Variants in CEP89 observed in about 807,000 individuals in gnomAD.
The protein encoded by CEP89 is centrosomal protein 89, also known as centrosomal protein of 89 kDa.
A neutral mutation model predicts 97.6 loss-of-function variants in CEP89; 95 were observed. That is an observed-to-expected ratio of 0.97 (90% CI 0.82 to 1.15). CEP89 has a LOEUF of 1.15. Ranked by LOEUF, CEP89 falls within the 50% of genes most tolerant of loss-of-function variation. The pLI is 0.00. For missense variants in CEP89, 869 were observed against 947.7 expected, an observed-to-expected ratio of 0.92 and a Z score of 1.09; for synonymous variants, 354 against 349.1, an observed-to-expected ratio of 1.01 and a Z score of -0.16.
At chr19:32,931,681 A>G in intron 8 of CEP89, 110 bp from the exon 9 acceptor site, 1 of 821,674 alleles carries the variant, frequency 1.2e-6, no homozygotes, top group Non-Finnish European at 1.9e-6. Flanking sequence ...CTCAGAGGCA[A>G]TGAACTGTGT....
intron 16 of CEP89, 51 bp from the exon 17 acceptor site, chr19:32,887,892 TAAC>T (rs1969433515): frequency 5.7e-6 from 6 of 1,050,290 alleles, no homozygotes; most frequent in Non-Finnish European, 7.4e-6. Flanking sequence ...AAAATTGAAA[TAAC>T]AAACAATTAT....
At chr19:32,908,380 G>T (rs1348367109) in intron 14 of CEP89, among the ~76,000 whole-genome samples, 1 of 152,226 alleles carries the variant, frequency 6.6e-6, no homozygotes, top group Non-Finnish European at 1.5e-5. Context: ...TGGCTGAACA[G>T]CTTTGGGCTC....
At chr19:32,924,793 C>T (rs1301230590) in intron 11 of CEP89, among the ~76,000 whole-genome samples, 1 of 151,996 alleles carries the variant, frequency 6.6e-6, no homozygotes, top group African/African-American at 2.4e-5. Flanking sequence ...ATGGGCCTCG[C>T]CCATTATTTA....
chr19:32,892,535 A>G (rs959681344), intron 16 of CEP89, among the ~76,000 whole-genome samples: 1 of 151,802 alleles, frequency 6.6e-6, no homozygotes, highest in Non-Finnish European at 1.5e-5. Flanking sequence ...TGAACTCCTG[A>G]CCTCAGATGA....
intron 16 of CEP89, 43 bp downstream of exon 16, chr19:32,899,806 CATTTGCAT>C (rs1296561408): frequency 6.5e-7 from 1 of 1,536,564 alleles, no homozygotes; most frequent in Non-Finnish European, 8.9e-7. Flanking sequence ...CTTAAAATCA[CATTTGCAT>C]ATTAACTCGC....
At chr19:32,884,863 C>G (rs1969360580) in intron 17 of CEP89, among the ~76,000 whole-genome samples, 1 of 149,036 alleles carries the variant, frequency 6.7e-6, no homozygotes, top group African/African-American at 2.6e-5. Flanking sequence ...CTGCCCAGCT[C>G]TAATTCCACT....
rs1410780279 is a variant in CEP89, at chr19:32,879,282, G to T, written c.2232C>A (p.Gly744=). 6.2e-7 allele frequency: 1 copy of T among 1,614,256 alleles called. No homozygotes were observed. Among genetic ancestry groups the T allele is most frequent in the East Asian group, 2.2e-5 (1 of 44,890 alleles). Residue 744 remains glycine (G), a synonymous_variant, in exon 19 of 19, where the codon GGC becomes GGA. Transcript: ENST00000305768. ...ELLQDTLTRT[G]VQDNPRALVA... ...CCAGAGCTCTGGGGTTGTCCTGCAC[G>T]CCTGTCCTCGTGAGTGTGTCCTGGA... is the stretch of plus-strand genomic sequence containing the variant.
At position 32,930,961 on chromosome 19, in the gene CEP89, C is replaced by T. The variant is rs918582223; in HGVS notation, c.1029+468G>A. ...AGTGTAGTGGCGCAATCTCAGCTCA[C>T]CACACCCTTGACCTCCCATGCTCAA... On this transcript the variant is annotated intron_variant, in intron 9 of 18. Coordinates refer to ENST00000305768, the MANE Select transcript of CEP89 (RefSeq NM_032816.5). Among the ~76,000 whole-genome samples, 7 of 152,064 alleles carry T rather than the reference C, an allele frequency of 4.6e-5. No individual in the cohort carries two copies. In the East Asian group the frequency reaches 5.8e-4, roughly 13 times the overall value.
rs368927898 is a variant in CEP89, at chr19:32,933,462, G to C, written c.875C>G (p.Ser292Trp). 3.1e-6 allele frequency: 5 copies of C among 1,613,248 alleles called. No homozygotes were observed. The African/African-American group carries it at 4.0e-5, about 13-fold the overall frequency. The change falls in exon 8 of 19, where the codon TCG becomes TGG. Residue 292 changes from serine to tryptophan, a missense_variant. Physicochemically the swap from Ser to Trp is radical, Grantham distance 177. Coordinates refer to ENST00000305768, the MANE Select transcript of CEP89 (RefSeq NM_032816.5). The stretch of plus-strand genomic sequence containing the variant: ...CTGTCTGTCCCCACCTTCCTGTGAC[G>C]ACGCCTTCTCAGCCTCTTTGAGCTT... ...KRKLKEAEKA[S>W]SQEVAAPELL...
At position 32,899,940 on chromosome 19, in the gene CEP89, C is replaced by A; in HGVS notation, c.1792G>T (p.Glu598Ter). 1 of 1,614,062 alleles carries A rather than the reference C, an allele frequency of 6.2e-7. No homozygotes were observed. The highest frequency in any genetic ancestry group is 8.5e-7 in the Non-Finnish European group (1 of 1,179,938). The change falls in exon 16 of 19, where the codon GAA becomes TAA. Residue 598 changes from glutamate to a stop codon, truncating the protein, a stop_gained. Transcript: ENST00000305768. LOFTEE classifies it high-confidence loss of function. ...GCCAGGTACTGATGAGCAGACATTT[C>A]GTTCCCCATGGCTTTTTCCACCTGC... ...KKQVEKAMGN[E>*]MSAHQYLANL...
At position 32,952,208 on chromosome 19, in the gene CEP89, C is replaced by T. The variant is rs148911608; in HGVS notation, c.492+1407G>A. On this transcript the variant is annotated intron_variant, in intron 4 of 18. Transcript: ENST00000305768. ...TTAAAATGTATTTTAGGGCCAGGGG[C>T]GTTGGCTTATGCCTGTAATCCCAAC... Among the ~76,000 whole-genome samples, 11 of 151,808 alleles carry T rather than the reference C, an allele frequency of 7.2e-5. No homozygotes were observed. The East Asian group carries it at 1.2e-3, about 16-fold the overall frequency.
At chr19:32,945,757 C>T (rs983175524) in intron 5 of CEP89, among the ~76,000 whole-genome samples, 1 of 152,196 alleles carries the variant, frequency 6.6e-6, no homozygotes, top group African/African-American at 2.4e-5. Context: ...CCCGCCTTGG[C>T]CTCCCAAGGA....
intron 11 of CEP89, among the ~76,000 whole-genome samples, chr19:32,925,416 G>C (rs893147289): frequency 6.6e-6 from 1 of 150,574 alleles, no homozygotes; most frequent in Non-Finnish European, 1.5e-5. Flanking sequence ...GCTCATCCTA[G>C]AATTAAGAAG....
chr19:32,886,595 T>C (rs1404022658), intron 17 of CEP89, among the ~76,000 whole-genome samples: 1 of 152,206 alleles, frequency 6.6e-6, no homozygotes, highest in Non-Finnish European at 1.5e-5. Context: ...CTGTCTACCT[T>C]GGGGCCTGCT....
chr19:32,892,053 T>C (rs1182802479), intron 16 of CEP89, among the ~76,000 whole-genome samples: 3 of 150,386 alleles, frequency 2.0e-5, no homozygotes, highest in Non-Finnish European at 3.0e-5. Context: ...CCCGACGACA[T>C]TATAGTCAAA....
At chr19:32,888,261 T>G (rs1200658461) in intron 16 of CEP89, among the ~76,000 whole-genome samples, 1 of 152,198 alleles carries the variant, frequency 6.6e-6, no homozygotes, top group Non-Finnish European at 1.5e-5. Context: ...ACAATGCCGT[T>G]TCTCCAAGCC....
intron 7 of CEP89, among the ~76,000 whole-genome samples, chr19:32,934,094 A>G (rs1022488879): frequency 5.3e-5 from 8 of 152,316 alleles, no homozygotes; most frequent in African/African-American, 1.9e-4. Context: ...GGACACAGAG[A>G]AAAGGACACA....
At chr19:32,925,780 G>A (rs576055668) in intron 11 of CEP89, among the ~76,000 whole-genome samples, 18 of 152,074 alleles carry the variant, frequency 1.2e-4, no homozygotes, top group Middle Eastern at 3.4e-3. Flanking sequence ...GAGCCACCGC[G>A]CCCAGCCCAA....
chr19:32,886,163 A>G (rs1308747910), intron 17 of CEP89, among the ~76,000 whole-genome samples: 1 of 152,186 alleles, frequency 6.6e-6, no homozygotes, highest in Non-Finnish European at 1.5e-5. Context: ...ACTTTGGAGT[A>G]TAGTTTTGAT....
Sources: gnomAD v4.1 joint callset for allele counts (sites outside exome capture counted in the v4.1 genomes callset) on GRCh38, gnomAD v4.1.1 for gene constraint, MANE v1.5 for transcripts, NCBI Gene and HGNC (gene_info 2026-07-23, HGNC 2026-07-21) for gene names.